The following MYLK variants were observed in gnomAD, a reference collection of about 807,000 sequenced individuals.
MYLK encodes myosin light chain kinase, smooth muscle.
A neutral mutation model predicts 203.4 loss-of-function variants in MYLK; 106 were observed. The observed-to-expected ratio is 0.52, with a 90% CI of 0.45 to 0.61. The LOEUF (loss-of-function observed/expected upper bound fraction) is 0.61. MYLK is among the 20% of genes least tolerant of loss of function. The pLI, the probability that MYLK is intolerant of heterozygous loss-of-function variation, is 0.00. For synonymous variants in MYLK, 867 were observed against 959.5 expected, an observed-to-expected ratio of 0.90 and a Z score of 1.78; for missense variants, 2,072 against 2,442.3, an observed-to-expected ratio of 0.85 and a Z score of 3.20.
At chr3:123,858,240 G>A (rs2031586650) in intron 2 of MYLK, among the ~76,000 whole-genome samples, 1 of 152,186 alleles carries the variant, frequency 6.6e-6, no homozygotes, top group Non-Finnish European at 1.5e-5. Flanking sequence ...TGCAGCTTGG[G>A]AGAACTGAGA....
chr3:123,646,434 A>AT (rs1369885367), intron 27 of MYLK, among the ~76,000 whole-genome samples: 2 of 152,216 alleles, frequency 1.3e-5, no homozygotes. Flanking sequence ...AAAAATTCAG[A>AT]TAAAAAAGGA....
chr3:123,649,254 G>A lies in MYLK; in HGVS notation c.4289-60C>T. 1.9e-6 allele frequency: 3 copies of A among 1,607,820 alleles called. No individual in the cohort carries two copies. The South Asian group carries it at 3.3e-5, about 18-fold the overall frequency. The stretch of plus-strand genomic sequence containing the variant: ...AGGTGATTAGTACTGAAGGCCCACT[G>A]AGAGCAAGATGTGCTGGGGGCCCTG... On this transcript the variant is annotated intron_variant, in intron 24 of 33. Coordinates refer to ENST00000360304, the MANE Select transcript of MYLK (RefSeq NM_053025.4).
intron 16 of MYLK, among the ~76,000 whole-genome samples, chr3:123,705,362 G>A (rs1191266080): frequency 2.0e-5 from 3 of 152,196 alleles, no homozygotes; most frequent in African/African-American, 7.2e-5. Context: ...AGAGGCAAAG[G>A]CTGCAGGCTG....
chr3:123,869,298 A>G (rs904872456), intron 2 of MYLK, among the ~76,000 whole-genome samples: 1 of 152,210 alleles, frequency 6.6e-6, no homozygotes, highest in African/African-American at 2.4e-5. Flanking sequence ...CTGGGTAGTC[A>G]TAAGGAGGGT....
chr3:123,835,410 G>A (rs1305923210), intron 2 of MYLK, among the ~76,000 whole-genome samples: 1 of 152,190 alleles, frequency 6.6e-6, no homozygotes, highest in Non-Finnish European at 1.5e-5. Flanking sequence ...GAATATGTCT[G>A]TGGCAGGCAA....
intron 3 of MYLK, among the ~76,000 whole-genome samples, chr3:123,807,511 A>AT (rs2065413218): frequency 6.6e-6 from 1 of 152,140 alleles, no homozygotes; most frequent in Admixed American, 6.5e-5. Flanking sequence ...TAACGAATGT[A>AT]TTGATATCCC....
intron 2 of MYLK, among the ~76,000 whole-genome samples, chr3:123,851,036 A>G (rs185609572): frequency 5.3e-5 from 8 of 152,262 alleles, no homozygotes; most frequent in Non-Finnish European, 1.2e-4. Context: ...GTCAGTTTTG[A>G]CAAAGATCAG....
chr3:123,705,832 A>C (rs1311675030), intron 16 of MYLK, among the ~76,000 whole-genome samples: 1 of 152,026 alleles, frequency 6.6e-6, no homozygotes, highest in African/African-American at 2.4e-5. Flanking sequence ...AAACAAGCTC[A>C]TCTCCTCTAG....
At chr3:123,722,012 C>T in intron 13 of MYLK, 116 bp downstream of exon 13, 1 of 1,361,856 alleles carries the variant, frequency 7.3e-7, no homozygotes, top group Non-Finnish European at 1.0e-6. Flanking sequence ...GTGCCATGTG[C>T]ACCTCTGCTC....
At chr3:123,618,292 C>G in intron 33 of MYLK, 1 of 326,098 alleles carries the variant, frequency 3.1e-6, no homozygotes, top group East Asian at 8.0e-5. Flanking sequence ...ATGGGCAAGT[C>G]ACATGCTTTT....
chr3:123,630,099 C>T (rs1044341313), intron 29 of MYLK, among the ~76,000 whole-genome samples: 2 of 152,082 alleles, frequency 1.3e-5, no homozygotes, highest in African/African-American at 2.4e-5. Flanking sequence ...GAAGAGGGCC[C>T]GGCAAATAAG....
intron 23 of MYLK, chr3:123,659,730 G>A (rs750910042): frequency 2.9e-5 from 15 of 516,764 alleles, no homozygotes; most frequent in Non-Finnish European, 5.0e-5. Flanking sequence ...GCTCCTGTGA[G>A]CTTGTCCTCC....
intron 2 of MYLK, among the ~76,000 whole-genome samples, chr3:123,841,082 G>A (rs182457081): frequency 1.0e-3 from 157 of 152,214 alleles, no homozygotes; most frequent in African/African-American, 2.8e-3. Flanking sequence ...CATATAGGCA[G>A]ATTTCTATTG....
intron 11 of MYLK, among the ~76,000 whole-genome samples, chr3:123,730,802 G>C (rs1293971274): frequency 6.6e-6 from 1 of 152,054 alleles, no homozygotes; most frequent in Non-Finnish European, 1.5e-5. Context: ...TTTTTGGGAG[G>C]GGTAGTGAAA....
intron 4 of MYLK, among the ~76,000 whole-genome samples, chr3:123,787,474 G>A (rs886479055): frequency 7.9e-5 from 12 of 152,152 alleles, no homozygotes; most frequent in South Asian, 4.1e-4. Flanking sequence ...CTTCACCACC[G>A]TGGTTCTCCT....
At chr3:123,670,034 CAAAAAAAAAAAAA>C (rs57445681) in intron 20 of MYLK, among the ~76,000 whole-genome samples, 3 of 37,064 alleles carry the variant, frequency 8.1e-5, no homozygotes, top group Non-Finnish European at 1.2e-4. Context: ...GACTCCATCT[CAAAAAAAAAAAAA>C]AAAAAAAAAG....
At chr3:123,733,666 A>G in intron 10 of MYLK, 21 bp downstream of exon 10, 1 of 1,613,246 alleles carries the variant, frequency 6.2e-7, no homozygotes, top group South Asian at 1.1e-5. Context: ...GCAATCGGTG[A>G]CCCTAATTAC....
intron 30 of MYLK, 149 bp from the exon 31 acceptor site, chr3:123,627,090 CTG>C (rs372626927): frequency 6.8e-6 from 6 of 876,844 alleles, no homozygotes; most frequent in Middle Eastern, 3.3e-4. Flanking sequence ...ATCAGGATCA[CTG>C]TGCTCTTCAC....
At chr3:123,715,355 A>G (rs1177448211) in intron 13 of MYLK, among the ~76,000 whole-genome samples, 1 of 152,234 alleles carries the variant, frequency 6.6e-6, no homozygotes, top group Non-Finnish European at 1.5e-5. Flanking sequence ...TCACCTCCTG[A>G]GCATCACTTT....
Sources: gnomAD v4.1 joint callset for allele counts (sites outside exome capture counted in the v4.1 genomes callset) on GRCh38, gnomAD v4.1.1 for gene constraint, MANE v1.5 for transcripts, NCBI Gene and HGNC (gene_info 2026-07-23, HGNC 2026-07-21) for gene names.